Variants in LAMP5 observed in about 807,000 individuals in gnomAD.
The protein encoded by LAMP5 is lysosome-associated membrane glycoprotein 5.
Under a neutral mutation model 30.2 loss-of-function variants are expected in LAMP5, and 36 were observed. That is an observed-to-expected ratio of 1.19 (90% CI 0.91 to 1.57). The LOEUF (loss-of-function observed/expected upper bound fraction) is 1.57, where lower values mean the gene tolerates loss of function less well. Ranked by LOEUF, LAMP5 falls within the 40% of genes most tolerant of loss-of-function variation. The probability of loss-of-function intolerance (pLI) is 0.00; values close to 1 mark genes in which losing one functional copy is unlikely to be tolerated. For missense variants in LAMP5, 377 were observed against 354.9 expected (o/e 1.06, Z -0.50); for synonymous variants, 149 against 134.6 (o/e 1.11, Z -0.74).
At chr20:9,525,226 A>G (rs1305895350) in intron 5 of LAMP5, among the ~76,000 whole-genome samples, 1 of 152,130 alleles carries the variant, frequency 6.6e-6, no homozygotes, top group Non-Finnish European at 1.5e-5. Flanking sequence ...TTTATTATCA[A>G]TTTAGAAATA....
At chr20:9,515,889 C>A in intron 2 of LAMP5, 111 bp from the exon 3 acceptor site, 1 of 1,264,012 alleles carries the variant, frequency 7.9e-7, no homozygotes, top group Non-Finnish European at 1.1e-6. Context: ...GGGATGCGCG[C>A]GCGCAAAGGA....
chr20:9,518,298 AG>A, intron 5 of LAMP5, 70 bp downstream of exon 5: 1 of 1,391,942 alleles, frequency 7.2e-7, no homozygotes, highest in Non-Finnish European at 1.0e-6. Context: ...GGGACCTACC[AG>A]GGCCCCAGGA....
At chr20:9,522,970 A>ATTT (rs2045088888) in intron 5 of LAMP5, among the ~76,000 whole-genome samples, 3 of 119,972 alleles carry the variant, frequency 2.5e-5, no homozygotes, top group African/African-American at 7.8e-5. Context: ...TAATACTTAA[A>ATTT]TCTTTTTTTT....
Position 9,518,206 on chromosome 20 carries a change from CT to C in LAMP5, c.643del (p.Ser215GlnfsTer25). ...AVHIQPFDII[S>X]DFVFSEEHKC... ...TCCACATCCAACCTTTTGACATTAT[CT>C]CAGATTTTGTCTTCAGTGAAGGTAA... On this transcript the variant is annotated frameshift_variant, in exon 5 of 6. Coordinates refer to ENST00000246070, the MANE Select transcript of LAMP5 (RefSeq NM_012261.4). LOFTEE classifies it high-confidence loss of function. 6.2e-7 allele frequency: 1 copy of C among 1,614,144 alleles called. No homozygotes were observed. The highest frequency in any genetic ancestry group is 8.5e-7 in the Non-Finnish European group (1 of 1,180,012).
chr20:9,516,316 G>C lies in LAMP5; in HGVS notation c.430G>C (p.Val144Leu). 1.2e-6 allele frequency: 2 copies of C among 1,614,192 alleles called. No individual in the cohort carries two copies. The highest frequency in any genetic ancestry group is 1.7e-6 in the Non-Finnish European group (2 of 1,180,042). The part of the protein sequence containing the change: ...ATWRLSKVQF[V>L]YDSSEKTHFK... ...TTGGAGGCTGAGCAAAGTGCAGTTT[G>C]TCTACGACTCCTCGGAGAAAACCCA... is the stretch of plus-strand genomic sequence containing the variant. Residue 144 changes from valine (V) to leucine (L), a missense_variant, in exon 4 of 6, where the codon GTC (valine) becomes CTC (leucine). Physicochemically the swap from Val to Leu is conservative, Grantham distance 32. Coordinates refer to ENST00000246070, the MANE Select transcript of LAMP5 (RefSeq NM_012261.4).
intron 4 of LAMP5, 54 bp from the exon 5 acceptor site, chr20:9,517,986 C>A: frequency 9.8e-7 from 1 of 1,021,586 alleles, no homozygotes; most frequent in South Asian, 1.6e-5. Context: ...CTCTCTGGCA[C>A]ATTAGGTTAG....
chr20:9,518,262 T>C, intron 5 of LAMP5, 34 bp downstream of exon 5: 2 of 1,595,990 alleles, frequency 1.3e-6, no homozygotes, highest in Non-Finnish European at 1.7e-6. Flanking sequence ...GAAGAAGACC[T>C]AGTTTATTTC....
At chr20:9,523,072 G>T (rs1030435622) in intron 5 of LAMP5, among the ~76,000 whole-genome samples, 1 of 150,750 alleles carries the variant, frequency 6.6e-6, no homozygotes, top group Non-Finnish European at 1.5e-5. Context: ...TAGCTGGGTG[G>T]TGATGCCACT....
chr20:9,515,862 G>C (rs551811562), intron 2 of LAMP5, 138 bp from the exon 3 acceptor site: 2 of 1,064,582 alleles, frequency 1.9e-6, no homozygotes, highest in South Asian at 1.9e-5. Context: ...GCATCTAACC[G>C]CATGTTCCCG....
At position 9,520,175 on chromosome 20, in the gene LAMP5, G is replaced by T. The variant is rs181638526; in HGVS notation, c.664+1947G>T. 3.3e-5 allele frequency among the ~76,000 whole-genome samples: 5 copies of T among 152,304 alleles called. No homozygotes were observed. The East Asian group carries it at 5.8e-4, about 18-fold the overall frequency. ...GAGAAGTCACAATCAAATGGCACTT[G>T]TCTCACCCCAGGCTTTTATGGCTAA... On this transcript the variant is annotated intron_variant, in intron 5 of 5. Coordinates refer to ENST00000246070, the MANE Select transcript of LAMP5 (RefSeq NM_012261.4).
At chr20:9,515,250 T>TA (rs201156005) in intron 1 of LAMP5, among the ~76,000 whole-genome samples, 2,642 of 152,186 alleles carry the variant, frequency 0.017, 76 homozygotes, top group African/African-American at 0.06. Flanking sequence ...TTTTTAATTT[T>TA]TTTAACTGTA....
In LAMP5 at chr20:9,516,310, C is replaced by A. The variant is rs773439024; in HGVS notation, c.424C>A (p.Gln142Lys). Residue 142 changes from glutamine (Q) to lysine (K), a missense_variant, in exon 4 of 6, where the codon CAG (glutamine) becomes AAG (lysine). Coordinates refer to ENST00000246070, the MANE Select transcript of LAMP5 (RefSeq NM_012261.4). ...GGCGACTTGGAGGCTGAGCAAAGTG[C>A]AGTTTGTCTACGACTCCTCGGAGAA... is the stretch of plus-strand genomic sequence containing the variant. Reference protein sequence around the residue: ...PEATWRLSKVQFVYDSSEKTH... With the variant: ...PEATWRLSKVKFVYDSSEKTH... 6.2e-7 allele frequency: 1 copy of A among 1,614,184 alleles called. No homozygotes were observed. The highest frequency in any genetic ancestry group is 1.3e-5 in the African/African-American group (1 of 75,032).
chr20:9,529,604 T>C (rs1296940341), intron 5 of LAMP5, 38 bp from the exon 6 acceptor site: 1 of 1,589,968 alleles, frequency 6.3e-7, no homozygotes, highest in Non-Finnish European at 8.6e-7. Context: ...CAGGATGTTT[T>C]GACCAGAGCT....
Position 9,514,910 on chromosome 20 carries a change from T to C in LAMP5, c.58T>C (p.Leu20=), listed in dbSNP as rs375192273. 2 of 1,614,094 alleles carry C rather than the reference T, an allele frequency of 1.2e-6. No homozygotes were observed. Among genetic ancestry groups the C allele is most frequent in the Non-Finnish European group, 1.7e-6 (2 of 1,179,968 alleles). The change falls in exon 1 of 6, where the codon TTG becomes CTG. Residue 20 remains leucine (L), a synonymous_variant. Coordinates refer to ENST00000246070, the MANE Select transcript of LAMP5 (RefSeq NM_012261.4). The part of the protein sequence containing the change: ...SIDRLRVLLM[L]FHTMAQIMAE... ...CGACAGACTTCGAGTTCTCCTGATG[T>C]TGTTCCGTGAGTAGCGATTTGGCGA...
chr20:9,518,108 T>G lies in LAMP5; in HGVS notation c.544T>G (p.Cys182Gly). The change falls in exon 5 of 6, where the codon TGT becomes GGT. Residue 182 changes from cysteine (C) to glycine (G), a missense_variant. By Grantham distance (159) the Cys-to-Gly change is radical (BLOSUM62 -3). Transcript: ENST00000246070. ...LVTPAGKSYE[C>G]QAQQTISLAS... ...CACCCCCGCTGGGAAGTCCTATGAG[T>G]GTCAAGCTCAACAAACCATTTCACT... 6.2e-7 allele frequency: 1 copy of G among 1,614,142 alleles called. No homozygotes were observed. Among genetic ancestry groups the G allele is most frequent in the Non-Finnish European group, 8.5e-7 (1 of 1,180,024 alleles).
At chr20:9,524,008 A>G (rs1050309288) in intron 5 of LAMP5, among the ~76,000 whole-genome samples, 1 of 152,252 alleles carries the variant, frequency 6.6e-6, no homozygotes, top group African/African-American at 2.4e-5. Flanking sequence ...GTGACAGACC[A>G]CAGTAATATT....
Position 9,516,312 on chromosome 20 carries a change from G to A in LAMP5, c.426G>A (p.Gln142=). 7 of 1,614,208 alleles carry A rather than the reference G, an allele frequency of 4.3e-6. No homozygotes were observed. Among genetic ancestry groups the A allele is most frequent in the Non-Finnish European group, 5.9e-6 (7 of 1,180,050 alleles). ...CGACTTGGAGGCTGAGCAAAGTGCA[G>A]TTTGTCTACGACTCCTCGGAGAAAA... is the stretch of plus-strand genomic sequence containing the variant. ...PEATWRLSKV[Q]FVYDSSEKTH... Residue 142 remains glutamine (Q), a synonymous_variant, in exon 4 of 6, where the codon CAG becomes CAA. Transcript: ENST00000246070.
Position 9,518,704 on chromosome 20 carries a change from G to C in LAMP5, c.664+476G>C, listed in dbSNP as rs114444909. Reference sequence around the variant, plus strand: ...TTAGTTAATCTAGAGAGCTACAGATGGGGGAAAGGGCCTTTGCCTTTCTGG... The same window carrying C: ...TTAGTTAATCTAGAGAGCTACAGATCGGGGAAAGGGCCTTTGCCTTTCTGG... On this transcript the variant is annotated intron_variant, in intron 5 of 5. Transcript: ENST00000246070. 5.4e-3 allele frequency among the ~76,000 whole-genome samples: 830 copies of C among 152,368 alleles called. 14 individuals carry two copies. Among genetic ancestry groups the C allele is most frequent in the African/African-American group, 0.019 (803 of 41,586 alleles).
chr20:9,526,615 G>T (rs2045113966), intron 5 of LAMP5, among the ~76,000 whole-genome samples: 1 of 152,086 alleles, frequency 6.6e-6, no homozygotes, highest in Non-Finnish European at 1.5e-5. Flanking sequence ...TATTGATCCA[G>T]GCTGACCTTC....
Sources: gnomAD v4.1 joint callset for allele counts (sites outside exome capture counted in the v4.1 genomes callset) on GRCh38, gnomAD v4.1.1 for gene constraint, MANE v1.5 for transcripts, NCBI Gene and HGNC (gene_info 2026-07-23, HGNC 2026-07-21) for gene names.